The following CPSF6 variants were observed in gnomAD, a reference collection of about 807,000 sequenced individuals.
CPSF6 encodes cleavage and polyadenylation specificity factor subunit 6.
A neutral mutation model predicts 56.7 loss-of-function variants in CPSF6; 10 were observed. The observed-to-expected ratio is 0.18, with a 90% CI of 0.11 to 0.30. The LOEUF is 0.30. CPSF6 is among the 10% of genes least tolerant of loss of function. The probability of loss-of-function intolerance (pLI) is 1.00; values close to 1 mark genes in which losing one functional copy is unlikely to be tolerated. For missense variants in CPSF6, 419 were observed against 722.9 expected (o/e 0.58, Z 4.82); for synonymous variants, 248 against 244.8 (o/e 1.01, Z -0.12).
At chr12:69,260,716 G>A (rs1565649218) in intron 8 of CPSF6, among the ~76,000 whole-genome samples, 1 of 152,060 alleles carries the variant, frequency 6.6e-6, no homozygotes, top group Non-Finnish European at 1.5e-5. Flanking sequence ...TTGTTATAAG[G>A]CATATTTTTC....
Position 69,258,658 on chromosome 12 carries a change from C to T in CPSF6, c.763C>T (p.Pro255Ser), listed in dbSNP as rs1339256591. ...GPPGPPGPPP[P>S]GQVLPPPLAG... The stretch of plus-strand genomic sequence containing the variant: ...ACCTGGTCCACCAGGTCCTCCACCT[C>T]CTGGTCAGGTTCTGCCTCCTCCTCT... The change falls in exon 6 of 10, where the codon CCT becomes TCT. Residue 255 changes from proline to serine, a missense_variant. Physicochemically the swap from Pro to Ser is moderately conservative, Grantham distance 74. Coordinates refer to ENST00000435070, the MANE Select transcript of CPSF6 (RefSeq NM_007007.3). The surrounding 1 kb of genome is among the most constrained non-coding windows in gnomAD (Gnocchi z 4.2). 2.5e-6 allele frequency: 4 copies of T among 1,614,136 alleles called. No individual in the cohort carries two copies. Among genetic ancestry groups the T allele is most frequent in the Non-Finnish European group, 2.5e-6 (3 of 1,180,018 alleles).
In CPSF6 at chr12:69,272,083, T is replaced by C. The variant is rs1873271691; in HGVS notation, c.*2575T>C. The C allele has an allele frequency of 6.6e-6, 1 of 151,622 alleles. No homozygotes were observed. The highest frequency in any genetic ancestry group is 6.6e-5 in the Admixed American group (1 of 15,224). The allele number at this position is 151,622 out of a possible 1,614,324, so 9.4% of individuals were successfully genotyped here. On this transcript the variant is annotated 3_prime_UTR_variant, in exon 10 of 10. Transcript: ENST00000435070. ...ACTGCTTCTGAGGCAACACTTTGGA[T>C]TGAAAGTGCTGCTTTTGGTTAAAGG...
At chr12:69,268,311 CTA>C (rs951839065) in intron 9 of CPSF6, among the ~76,000 whole-genome samples, 18 of 151,450 alleles carry the variant, frequency 1.2e-4, no homozygotes, top group African/African-American at 3.9e-4. Context: ...CATATAGAAA[CTA>C]TATATATAAA....
chr12:69,257,121 A>T (rs1332696908), intron 4 of CPSF6, among the ~76,000 whole-genome samples: 3 of 152,200 alleles, frequency 2.0e-5, no homozygotes, highest in South Asian at 4.1e-4. Context: ...TTTCCATCTT[A>T]GATACAGAAA....
intron 3 of CPSF6, 88 bp downstream of exon 3, chr12:69,253,242 A>G (rs993676815): frequency 8.4e-6 from 5 of 594,802 alleles, no homozygotes; most frequent in East Asian, 3.0e-5. Flanking sequence ...TGTTAATTAC[A>G]CATGTATACA....
At position 69,239,803 on chromosome 12, in the gene CPSF6, A is replaced by G; in HGVS notation, c.60+97A>G. 5 of 1,231,254 alleles carry G rather than the reference A, an allele frequency of 4.1e-6. No individual in the cohort carries two copies. The South Asian group carries it at 8.5e-5, about 21-fold the overall frequency. The allele number at this position is 1,231,254 out of a possible 1,614,324, so 76.3% of individuals were successfully genotyped here. Reference sequence around the variant, plus strand: ...TGCGGCCGCGAGCCGAAGCGACTGCAGAGTGTGCGCCCTTGCCGCCTCTGG... The same window carrying G: ...TGCGGCCGCGAGCCGAAGCGACTGCGGAGTGTGCGCCCTTGCCGCCTCTGG... On this transcript the variant is annotated intron_variant, in intron 1 of 9. Coordinates refer to ENST00000435070, the MANE Select transcript of CPSF6 (RefSeq NM_007007.3).
At chr12:69,260,685 CTT>C (rs1872707121) in intron 8 of CPSF6, among the ~76,000 whole-genome samples, 1 of 152,224 alleles carries the variant, frequency 6.6e-6, no homozygotes, top group Non-Finnish European at 1.5e-5. Flanking sequence ...TTCCATAGTA[CTT>C]ACCATAATCA....
intron 1 of CPSF6, among the ~76,000 whole-genome samples, chr12:69,247,699 C>T (rs186822288): frequency 3.9e-5 from 6 of 152,176 alleles, no homozygotes; most frequent in Admixed American, 2.6e-4. Context: ...CTCATGCAAA[C>T]ATCATGCATA....
chr12:69,255,502 A>G (rs967590926), intron 3 of CPSF6, among the ~76,000 whole-genome samples: 6 of 152,200 alleles, frequency 3.9e-5, no homozygotes, highest in African/African-American at 1.4e-4. Flanking sequence ...ATACGTGCTC[A>G]TCAGCAATGT....
intron 9 of CPSF6, among the ~76,000 whole-genome samples, chr12:69,263,028 C>A (rs1405563057): frequency 6.6e-6 from 1 of 151,520 alleles, no homozygotes; most frequent in Non-Finnish European, 1.5e-5. Flanking sequence ...AAATCTAACA[C>A]AATAATAGTT....
At chr12:69,260,939 T>C (rs1183995620) in intron 8 of CPSF6, among the ~76,000 whole-genome samples, 1 of 152,196 alleles carries the variant, frequency 6.6e-6, no homozygotes, top group African/African-American at 2.4e-5. Flanking sequence ...TTCTAATGCC[T>C]ACAGAGTGTG....
Position 69,259,274 on chromosome 12 carries a change from CTTTG to C in CPSF6, c.1200-151_1200-148del, listed in dbSNP as rs1379841628. ...ATAGGAGAATTTTTAGATTTGTTCTCTTTGTTGGAAAAGTAGCATGCTTCAATAT... is the reference window on the plus strand; with the variant it reads ...ATAGGAGAATTTTTAGATTTGTTCTCTTGGAAAAGTAGCATGCTTCAATAT... On this transcript the variant is annotated intron_variant, in intron 6 of 9. Coordinates refer to ENST00000435070, the MANE Select transcript of CPSF6 (RefSeq NM_007007.3). 3 of 806,398 alleles carry C rather than the reference CTTTG, an allele frequency of 3.7e-6. No individual in the cohort carries two copies. The East Asian group carries it at 3.8e-4, about 101-fold the overall frequency. 50.0% of individuals were successfully genotyped at this position (806,398 alleles called of 1,614,324 possible). A position where few individuals can be genotyped will look rare whatever the true frequency, so the allele number is the denominator to read the frequency against.
chr12:69,258,990 A>G lies in CPSF6; in HGVS notation c.1095A>G (p.Pro365=), dbSNP rs373443629. ...TGAACCCAGCTTTCTTTCCTCCACC[A>G]ACTAACAGTGGCATGCCTACATCAG... ...PHVNPAFFPP[P]TNSGMPTSDS... is the part of the protein sequence containing the mutation. The change falls in exon 6 of 10, where the codon CCA becomes CCG. Residue 365 remains proline (P), a synonymous_variant. Coordinates refer to ENST00000435070, the MANE Select transcript of CPSF6 (RefSeq NM_007007.3). This position sits in a 1 kb window ranked among gnomAD's most constrained non-coding sequence, Gnocchi z 4.2. 6.2e-7 allele frequency: 1 copy of G among 1,612,994 alleles called. No individual in the cohort carries two copies. Among genetic ancestry groups the G allele is most frequent in the Non-Finnish European group, 8.5e-7 (1 of 1,180,006 alleles).
chr12:69,259,464 T>A lies in CPSF6; in HGVS notation c.1236T>A (p.Ala412=). 1 of 1,613,820 alleles carries A rather than the reference T, an allele frequency of 6.2e-7. No homozygotes were observed. The highest frequency in any genetic ancestry group is 8.5e-7 in the Non-Finnish European group (1 of 1,179,870). Residue 412 remains alanine, a synonymous_variant, in exon 7 of 10, where the codon GCT becomes GCA. Coordinates refer to ENST00000435070, the MANE Select transcript of CPSF6 (RefSeq NM_007007.3). Reference sequence around the variant, plus strand: ...CTGCAAGAACGCCATTGAGTGAAGCTGAATTTGAAGAAATCATGAATAGAA... The same window carrying A: ...CTGCAAGAACGCCATTGAGTGAAGCAGAATTTGAAGAAATCATGAATAGAA... ...MDTARTPLSE[A]EFEEIMNRNR... is the part of the protein sequence containing the mutation.
At chr12:69,251,613 T>C (rs1872247693) in intron 2 of CPSF6, among the ~76,000 whole-genome samples, 1 of 152,228 alleles carries the variant, frequency 6.6e-6, no homozygotes, top group South Asian at 2.1e-4. Context: ...TTTTTTATGC[T>C]ACCACTTTAC....
intron 9 of CPSF6, among the ~76,000 whole-genome samples, chr12:69,269,253 A>T (rs1023167626): frequency 6.6e-6 from 1 of 151,874 alleles, no homozygotes; most frequent in Non-Finnish European, 1.5e-5. Flanking sequence ...CTATGTTTTC[A>T]TTACTGCTTC....
chr12:69,253,313 T>A (rs556783805), intron 3 of CPSF6, among the ~76,000 whole-genome samples, 159 bp downstream of exon 3: 1 of 152,294 alleles, frequency 6.6e-6, no homozygotes, highest in Non-Finnish European at 1.5e-5. Flanking sequence ...CAAAGATTGA[T>A]ACTTTTCATT....
At chr12:69,242,414 T>A (rs1435876214) in intron 1 of CPSF6, among the ~76,000 whole-genome samples, 1 of 152,192 alleles carries the variant, frequency 6.6e-6, no homozygotes, top group Non-Finnish European at 1.5e-5. Flanking sequence ...TCTATTGAAG[T>A]AGAAAAAAGT....
At chr12:69,250,519 C>T (rs1411721732) in intron 1 of CPSF6, among the ~76,000 whole-genome samples, 3 of 141,846 alleles carry the variant, frequency 2.1e-5, no homozygotes, top group African/African-American at 7.9e-5. Context: ...TTTGGGAGGC[C>T]GAGGCAGGAG....
Sources: gnomAD v4.1 joint callset for allele counts (sites outside exome capture counted in the v4.1 genomes callset) on GRCh38, gnomAD v4.1.1 for gene constraint, Gnocchi (gnomAD v3.1) non-coding constraint, MANE v1.5 for transcripts, NCBI Gene and HGNC (gene_info 2026-07-23, HGNC 2026-07-21) for gene names.